The following GFI1 variants were observed in gnomAD, a reference collection of about 807,000 sequenced individuals.
GFI1 encodes the protein zinc finger protein Gfi-1.
GFI1 carries 15 observed loss-of-function variants against 39.2 expected under a neutral mutation model. That is an observed-to-expected ratio of 0.38 (90% CI 0.26 to 0.59). The LOEUF (loss-of-function observed/expected upper bound fraction) is 0.59. Among genes scored for constraint, GFI1 ranks in the 20% least tolerant of loss-of-function variants. The pLI, the probability that GFI1 is intolerant of heterozygous loss-of-function variation, is 0.62. For missense variants in GFI1, 475 were observed against 574.0 expected (o/e 0.83, Z 1.76); for synonymous variants, 239 against 254.3 (o/e 0.94, Z 0.57).
At chr1:92,478,461 AAC>A (rs907917339) in intron 6 of GFI1, 125 bp downstream of exon 6, 2 of 822,218 alleles carry the variant, frequency 2.4e-6, no homozygotes, top group African/African-American at 3.4e-5. Context: ...TGTTTTCTTT[AAC>A]ACAGAGCAGA....
rs1246125054 is a variant in GFI1, at chr1:92,486,825, GC to G, written c.-200del. 5.9e-5 allele frequency: 9 copies of G among 152,140 alleles called. No homozygotes were observed. The highest frequency in any genetic ancestry group is 2.2e-4 in the African/African-American group (9 of 41,436). 9.4% of individuals were successfully genotyped at this position (152,140 alleles called of 1,614,324 possible). On this transcript the variant is annotated 5_prime_UTR_variant, in exon 1 of 7. Transcript: ENST00000294702. ...GAGCGCCGAGCCCCCGGCGGAGAGG[GC>G]CCTGGCGGCGCGTCCCGCGGGCGCC...
chr1:92,483,836 C>T, intron 1 of GFI1: 2 of 379,500 alleles, frequency 5.3e-6, no homozygotes, highest in South Asian at 4.3e-5. Context: ...GTCTCAGGCC[C>T]CTTTCCTCCT....
chr1:92,485,645 C>T (rs1040986512), intron 1 of GFI1, among the ~76,000 whole-genome samples: 9 of 152,114 alleles, frequency 5.9e-5, no homozygotes, highest in African/African-American at 2.2e-4. Context: ...GGGGCGGCCC[C>T]TCCGCGCGCT....
At position 92,481,611 on chromosome 1, in the gene GFI1, G is replaced by A. The variant is rs1658259101; in HGVS notation, c.299-523C>T. ...AAGGAGGGAGAAGGTCCATAAATGC[G>A]GCCCCGAACTACCCGAAAGGCTGCT... On this transcript the variant is annotated intron_variant, in intron 3 of 6. Coordinates refer to ENST00000294702, the MANE Select transcript of GFI1 (RefSeq NM_005263.5). This position sits in a 1 kb window ranked among gnomAD's most constrained non-coding sequence, Gnocchi z 4.3. Among the ~76,000 whole-genome samples, 1 of 152,098 alleles carries A rather than the reference G, an allele frequency of 6.6e-6. No individual in the cohort carries two copies. The highest frequency in any genetic ancestry group is 2.1e-4 in the South Asian group (1 of 4,826).
In GFI1 at chr1:92,481,028, T is replaced by C; in HGVS notation, c.359A>G (p.Lys120Arg). ...CGCCAGGCCGCTCCATGAGTACGGT[T>C]TGAAAGGCAGGGGGAAGGGCTGGGC... ...DEAQPFPLPF[K>R]PYSWSGLAGS... Residue 120 changes from lysine (K) to arginine (R), a missense_variant, in exon 4 of 7, where the codon AAA (lysine) becomes AGA (arginine). This residue lies in a region of GFI1 where 275 missense variants were observed against 275.8 expected (regional missense o/e 1.00). Transcript: ENST00000294702. This position sits in a 1 kb window ranked among gnomAD's most constrained non-coding sequence, Gnocchi z 4.3. 1 of 1,611,882 alleles carries C rather than the reference T, an allele frequency of 6.2e-7. No individual in the cohort carries two copies. Among genetic ancestry groups the C allele is most frequent in the South Asian group, 1.1e-5 (1 of 90,962 alleles).
chr1:92,483,165 C>G lies in GFI1; in HGVS notation c.116-119G>C. ...GCGTCTTCCCCTCTCCACCCAGACC[C>G]CGGCCGGGAACCCTCTCGGATCCGA... On this transcript the variant is annotated intron_variant, in intron 2 of 6. Coordinates refer to ENST00000294702, the MANE Select transcript of GFI1 (RefSeq NM_005263.5). 4 of 998,794 alleles carry G rather than the reference C, an allele frequency of 4.0e-6. No homozygotes were observed. The South Asian group carries it at 6.6e-5, about 16-fold the overall frequency. The allele number at this position is 998,794 out of a possible 1,614,324, so 61.9% of individuals were successfully genotyped here.
chr1:92,481,964 T>A lies in GFI1; in HGVS notation c.299-876A>T, dbSNP rs556120608. Among the ~76,000 whole-genome samples, 1,948 of 15,126 alleles carry A rather than the reference T, an allele frequency of 0.13. 46 individuals carry two copies. Among genetic ancestry groups the A allele is most frequent in the African/African-American group, 0.27 (1,811 of 6,656 alleles). The allele number at this position is 15,126 out of a possible 152,430, so 9.9% of individuals were successfully genotyped here. A position where few individuals can be genotyped will look rare whatever the true frequency, so the allele number is the denominator to read the frequency against. The stretch of plus-strand genomic sequence containing the variant: ...GTGTGTGTGTGTGTGCGCACAACAC[T>A]CCAGTTCAGGCTGGCCACTTCAGTG... On this transcript the variant is annotated intron_variant, in intron 3 of 6. Transcript: ENST00000294702. The surrounding 1 kb of genome is among the most constrained non-coding windows in gnomAD (Gnocchi z 4.3).
Position 92,480,510 on chromosome 1 carries a change from A to C in GFI1, c.787-25T>G. The C allele has an allele frequency of 6.5e-7, 1 of 1,548,680 alleles. No individual in the cohort carries two copies. Among genetic ancestry groups the C allele is most frequent in the Non-Finnish European group, 8.7e-7 (1 of 1,146,020 alleles). ...CCTAAGGCGGGTGGGGCCAGAGAGA[A>C]GGCCGCTGAGAGGGGCCGCGGGGCG... On this transcript the variant is annotated intron_variant, in intron 4 of 6. Coordinates refer to ENST00000294702, the MANE Select transcript of GFI1 (RefSeq NM_005263.5). The surrounding 1 kb of genome is among the most constrained non-coding windows in gnomAD (Gnocchi z 5.6).
rs575291940 is a variant in GFI1 at position 92,484,816 on chromosome 1, T to C, written c.-99-1230A>G. The C allele has an allele frequency of 6.6e-6, 1 of 152,398 alleles. No individual in the cohort carries two copies. Among genetic ancestry groups the C allele is most frequent in the Admixed American group, 6.5e-5 (1 of 15,306 alleles). 9.4% of individuals were successfully genotyped at this position (152,398 alleles called of 1,614,324 possible). A position where few individuals can be genotyped will look rare whatever the true frequency, so the allele number is the denominator to read the frequency against. ...CGGGGTGAAGGCGATGGTGACCGGG[T>C]TCACACGTGAGCTGCAGTACAGCAG... On this transcript the variant is annotated intron_variant, in intron 1 of 6. Transcript: ENST00000294702. This position sits in a 1 kb window ranked among gnomAD's most constrained non-coding sequence, Gnocchi z 4.1.
chr1:92,473,435 G>T lies in GFI1; in HGVS notation c.*2594C>A, dbSNP rs1657818766. Among the ~76,000 whole-genome samples, 1 of 152,132 alleles carries T rather than the reference G, an allele frequency of 6.6e-6. No homozygotes were observed. Among genetic ancestry groups the T allele is most frequent in the Non-Finnish European group, 1.5e-5 (1 of 68,014 alleles). On this transcript the variant is annotated 3_prime_UTR_variant, in exon 7 of 7. Transcript: ENST00000294702. ...ATGTTTTTGTCATTTTCATTCACTGGGAGGATTGTCTCCCAGGACACTAGG... is the reference window on the plus strand; with the variant it reads ...ATGTTTTTGTCATTTTCATTCACTGTGAGGATTGTCTCCCAGGACACTAGG...
chr1:92,479,014 C>T (rs1312157070), intron 5 of GFI1, among the ~76,000 whole-genome samples: 4 of 152,152 alleles, frequency 2.6e-5, no homozygotes, highest in East Asian at 1.9e-4. Flanking sequence ...TACAGGCACA[C>T]GCCATCACAC....
intron 1 of GFI1, among the ~76,000 whole-genome samples, chr1:92,485,219 G>A (rs985360906): frequency 1.3e-5 from 2 of 152,150 alleles, no homozygotes; most frequent in Admixed American, 1.3e-4. Context: ...GCCTCCCTCC[G>A]GGGTGGCTCC....
In GFI1 at chr1:92,482,809, C is replaced by T; in HGVS notation, c.298+55G>A. On this transcript the variant is annotated intron_variant, in intron 3 of 6. Coordinates refer to ENST00000294702, the MANE Select transcript of GFI1 (RefSeq NM_005263.5). The surrounding 1 kb of genome is among the most constrained non-coding windows in gnomAD (Gnocchi z 4.4). ...GCCCAAGGTCGCGCCAATTCCCCCC[C>T]AGCACTGCCGGGTCCCTGCAGCTCC... 3 of 1,410,320 alleles carry T rather than the reference C, an allele frequency of 2.1e-6. No homozygotes were observed. Among genetic ancestry groups the T allele is most frequent in the Non-Finnish European group, 3.0e-6 (3 of 995,596 alleles). The allele number at this position is 1,410,320 out of a possible 1,614,324, so 87.4% of individuals were successfully genotyped here.
chr1:92,486,012 A>T (rs1301581181), intron 1 of GFI1: 1 of 152,042 alleles, frequency 6.6e-6, no homozygotes, highest in African/African-American at 2.4e-5. Flanking sequence ...CGGCGGACCT[A>T]CCTGCGGAGT....
At position 92,473,206 on chromosome 1, in the gene GFI1, A is replaced by T. The variant is rs887437170; in HGVS notation, c.*2823T>A. Among the ~76,000 whole-genome samples, 5 of 151,980 alleles carry T rather than the reference A, an allele frequency of 3.3e-5. No homozygotes were observed. The highest frequency in any genetic ancestry group is 7.4e-5 in the Non-Finnish European group (5 of 67,994). Reference sequence around the variant, plus strand: ...AAAAAAAAAAAAAGGCATACAGTTAACATCAAAATTACAATTCCTCACTTA... The same window carrying T: ...AAAAAAAAAAAAAGGCATACAGTTATCATCAAAATTACAATTCCTCACTTA... On this transcript the variant is annotated 3_prime_UTR_variant, in exon 7 of 7. Transcript: ENST00000294702.
chr1:92,483,389 C>A lies in GFI1; in HGVS notation c.99G>T (p.Pro33=). The part of the protein sequence containing the change: ...PDYSLRLENV[P]APSRADSTSN... ...GCCTCGCACCTGCTCGGCTAGGCGCCGGTACATTCTCTAAACGGAGGGAAT... is the reference window on the plus strand; with the variant it reads ...GCCTCGCACCTGCTCGGCTAGGCGCAGGTACATTCTCTAAACGGAGGGAAT... The change falls in exon 2 of 7, where the codon CCG becomes CCT. Residue 33 remains proline, a synonymous_variant. Coordinates refer to ENST00000294702, the MANE Select transcript of GFI1 (RefSeq NM_005263.5). 1 of 1,607,128 alleles carries A rather than the reference C, an allele frequency of 6.2e-7. No individual in the cohort carries two copies. Among genetic ancestry groups the A allele is most frequent in the South Asian group, 1.1e-5 (1 of 90,856 alleles).
In GFI1 at chr1:92,474,120, C is replaced by CA. The variant is rs984596697; in HGVS notation, c.*1908dup. On this transcript the variant is annotated 3_prime_UTR_variant, in exon 7 of 7. Coordinates refer to ENST00000294702, the MANE Select transcript of GFI1 (RefSeq NM_005263.5). ...CATTCTCTTAAAGGATTGACTTATG[C>CA]AAAAAACTCCCACAGGTGGGACAGA... Among the ~76,000 whole-genome samples the CA allele has an allele frequency of 2.0e-5, 3 of 152,166 alleles. No homozygotes were observed. Among genetic ancestry groups the CA allele is most frequent in the Non-Finnish European group, 4.4e-5 (3 of 68,024 alleles).
chr1:92,485,975 A>G (rs1658509387), intron 1 of GFI1: 1 of 152,174 alleles, frequency 6.6e-6, no homozygotes, highest in Admixed American at 6.5e-5. Context: ...GGCCGCCCCC[A>G]CCAGGGCAGG....
chr1:92,482,776 AT>A lies in GFI1; in HGVS notation c.298+87del. ...AAAGACTCTCCAACTCCCCGTTAGC[AT>A]TTCTACGCCCAAGGTCGCGCCAATT... On this transcript the variant is annotated intron_variant, in intron 3 of 6. Coordinates refer to ENST00000294702, the MANE Select transcript of GFI1 (RefSeq NM_005263.5). This position sits in a 1 kb window ranked among gnomAD's most constrained non-coding sequence, Gnocchi z 4.4. 9.6e-7 allele frequency: 1 copy of A among 1,044,782 alleles called. No homozygotes were observed. 64.7% of individuals were successfully genotyped at this position (1,044,782 alleles called of 1,614,324 possible). A position where few individuals can be genotyped will look rare whatever the true frequency, so the allele number is the denominator to read the frequency against.
Sources: allele counts gnomAD v4.1 joint callset (sites outside exome capture counted in the v4.1 genomes callset), GRCh38; gene constraint gnomAD v4.1.1; regional missense constraint gnomAD v4.1.1; non-coding constraint Gnocchi (gnomAD v3.1); transcripts MANE v1.5; gene names NCBI Gene and HGNC (gene_info 2026-07-23, HGNC 2026-07-21).